HMG20B: variants seen among roughly 807,000 people sequenced by gnomAD.
The protein encoded by HMG20B is high mobility group 20B.
HMG20B carries 24 observed loss-of-function variants against 41.6 expected under a neutral mutation model. The ratio of observed to expected loss-of-function variants is 0.58; its 90% CI spans 0.42 to 0.81. The LOEUF (loss-of-function observed/expected upper bound fraction) is 0.81. HMG20B is among the 30% of genes least tolerant of loss of function. HMG20B has a pLI of 0.00. For synonymous variants in HMG20B, 251 were observed against 186.6 expected (o/e 1.34, Z -2.81); for missense variants, 461 against 444.0 (o/e 1.04, Z -0.34).
chr19:3,573,030 G>A (rs1424655772), intron 1 of HMG20B, 36 bp downstream of exon 1: 1 of 409,378 alleles, frequency 2.4e-6, no homozygotes, highest in African/African-American at 2.1e-5. Flanking sequence ...CCCTGAGAGG[G>A]GGCGGGGGTG....
rs868112051 is a variant in HMG20B at position 3,573,938 on chromosome 19, G to A, written c.147+138G>A. 1.8e-5 allele frequency: 15 copies of A among 828,522 alleles called. No individual in the cohort carries two copies. The African/African-American group carries it at 2.5e-4, about 14-fold the overall frequency. 51.3% of individuals were successfully genotyped at this position (828,522 alleles called of 1,614,324 possible). A position where few individuals can be genotyped will look rare whatever the true frequency, so the allele number is the denominator to read the frequency against. ...TCTGGAAGCTGAGACCCCGCCCCGTGCCAGCTGCCACGCCCCTGACAGGTC... is the reference window on the plus strand; with the variant it reads ...TCTGGAAGCTGAGACCCCGCCCCGTACCAGCTGCCACGCCCCTGACAGGTC... On this transcript the variant is annotated intron_variant, in intron 3 of 9. Transcript: ENST00000333651.
chr19:3,578,370 A>G lies in HMG20B; in HGVS notation c.942-139A>G, dbSNP rs1350836827. 1.1e-5 allele frequency: 14 copies of G among 1,280,466 alleles called. No homozygotes were observed. The East Asian group carries it at 3.6e-4, about 33-fold the overall frequency. The allele number at this position is 1,280,466 out of a possible 1,614,324, so 79.3% of individuals were successfully genotyped here. On this transcript the variant is annotated intron_variant, in intron 9 of 9. Transcript: ENST00000333651. ...CAGGGTGGATCCCAGCGCCCGGGTT[A>G]GATAGGTTCAACGCCTGTCCCCCAA...
At chr19:3,573,376 C>T (rs1193328334) in intron 2 of HMG20B, 29 bp downstream of exon 2, 3 of 1,511,766 alleles carry the variant, frequency 2.0e-6, no homozygotes, top group Non-Finnish European at 2.7e-6. Flanking sequence ...TCCCCACGCC[C>T]TCGCTACTTT....
At chr19:3,573,926 A>G (rs920731299) in intron 3 of HMG20B, 126 bp downstream of exon 3, 20 of 931,064 alleles carry the variant, frequency 2.1e-5, no homozygotes, top group Non-Finnish European at 3.0e-5. Context: ...GGAAGCTGAG[A>G]CCCCGCCCCG....
chr19:3,578,672 C>A lies in HMG20B; in HGVS notation c.*151C>A. On this transcript the variant is annotated 3_prime_UTR_variant, in exon 10 of 10. Transcript: ENST00000333651. ...CAGCCCCCCTAAAATTAAATTTCTG[C>A]AGCATCCCTTTAGCTTTCAATCTCC... The A allele has an allele frequency of 9.8e-7, 1 of 1,022,262 alleles. No homozygotes were observed. Among genetic ancestry groups the A allele is most frequent in the Non-Finnish European group, 1.5e-6 (1 of 668,138 alleles). The allele number at this position is 1,022,262 out of a possible 1,614,324, so 63.3% of individuals were successfully genotyped here.
intron 5 of HMG20B, 180 bp from the exon 6 acceptor site, chr19:3,576,081 G>C: frequency 1.6e-6 from 1 of 627,016 alleles, no homozygotes; most frequent in Non-Finnish European, 2.8e-6. Context: ...GGTTGGGCGG[G>C]GGAAAGATAC....
rs750465824 is a variant in HMG20B, at chr19:3,574,444, C to T, written c.209C>T (p.Pro70Leu). The T allele has an allele frequency of 1.9e-6, 3 of 1,609,122 alleles. No individual in the cohort carries two copies. The South Asian group carries it at 3.3e-5, about 18-fold the overall frequency. Reference sequence around the variant, plus strand: ...CGGAAGAAGATTCTGCCGAATGGGCCCAAGGCACCGGTCACGGGCTACGTG... The same window carrying T: ...CGGAAGAAGATTCTGCCGAATGGGCTCAAGGCACCGGTCACGGGCTACGTG... Reference protein sequence around the residue: ...KKRKKILPNGPKAPVTGYVRF... With the variant: ...KKRKKILPNGLKAPVTGYVRF... The change falls in exon 4 of 10, where the codon CCC (proline) becomes CTC (leucine). Residue 70 changes from proline to leucine, a missense_variant. By Grantham distance (98) the Pro-to-Leu change is moderately conservative (BLOSUM62 -3). This residue lies in a region of HMG20B where 49 missense variants were observed against 84.1 expected (regional missense o/e 0.58). Transcript: ENST00000333651.
intron 8 of HMG20B, 58 bp downstream of exon 8, chr19:3,577,165 C>G: frequency 8.4e-7 from 1 of 1,193,210 alleles, no homozygotes; most frequent in South Asian, 1.6e-5. Context: ...GCCCGCCTCC[C>G]CCCCCCTCCT....
chr19:3,575,446 G>T, intron 4 of HMG20B, 94 bp from the exon 5 acceptor site: 1 of 1,529,510 alleles, frequency 6.5e-7, no homozygotes, highest in African/African-American at 1.4e-5. Flanking sequence ...GAAGGTTCAG[G>T]AGAGGGGAGG....
intron 9 of HMG20B, 183 bp from the exon 10 acceptor site, chr19:3,578,326 G>A (rs578254115): frequency 1.7e-6 from 2 of 1,149,934 alleles, no homozygotes; most frequent in Non-Finnish European, 2.4e-6. Context: ...GGGGGCACCA[G>A]AACTTCCCTA....
chr19:3,574,715 C>CAT, intron 4 of HMG20B, 129 bp downstream of exon 4: 2 of 585,494 alleles, frequency 3.4e-6, no homozygotes, highest in East Asian at 3.1e-5. Flanking sequence ...CCATAACCAA[C>CAT]TTTTTTTTTT....
chr19:3,574,634 C>A (rs768576750), intron 4 of HMG20B, 48 bp downstream of exon 4: 2 of 1,484,020 alleles, frequency 1.3e-6, no homozygotes, highest in East Asian at 4.9e-5. Context: ...CCACGGACTA[C>A]CCCCCAGTAG....
rs1357472925 is a variant in HMG20B, at chr19:3,578,669, C to T, written c.*148C>T. ...CTCCAGCCCCCCTAAAATTAAATTT[C>T]TGCAGCATCCCTTTAGCTTTCAATC... On this transcript the variant is annotated 3_prime_UTR_variant, in exon 10 of 10. Coordinates refer to ENST00000333651, the MANE Select transcript of HMG20B (RefSeq NM_006339.3). 3 of 1,030,722 alleles carry T rather than the reference C, an allele frequency of 2.9e-6. No homozygotes were observed. Among genetic ancestry groups the T allele is most frequent in the Non-Finnish European group, 4.4e-6 (3 of 675,568 alleles). The allele number at this position is 1,030,722 out of a possible 1,614,324, so 63.8% of individuals were successfully genotyped here.
chr19:3,578,171 TG>T, intron 9 of HMG20B, 58 bp downstream of exon 9: 1 of 1,584,024 alleles, frequency 6.3e-7, no homozygotes. Flanking sequence ...GTGCCCGCCC[TG>T]GGGTTCCCCA....
At chr19:3,576,380 C>G in intron 6 of HMG20B, 73 bp downstream of exon 6, 1 of 1,498,352 alleles carries the variant, frequency 6.7e-7, no homozygotes, top group Non-Finnish European at 9.3e-7. Context: ...TGAGTCAGAG[C>G]CAGTGCTCGC....
rs1331451230 is a variant in HMG20B, at chr19:3,576,884, C to G, written c.593-8C>G. On this transcript the variant is annotated splice_region_variant and splice_polypyrimidine_tract_variant and intron_variant, in intron 7 of 9. Transcript: ENST00000333651. ...GCGCAGGCTTTGACCCCGCTCCCCC[C>G]GGCGCAGCGCGTGAGGCGGAGCTTC... 1.3e-6 allele frequency: 2 copies of G among 1,562,652 alleles called. No individual in the cohort carries two copies. The highest frequency in any genetic ancestry group is 3.8e-5 in the Admixed American group (2 of 52,418).
intron 3 of HMG20B, 171 bp downstream of exon 3, chr19:3,573,971 A>T: frequency 2.8e-6 from 2 of 721,184 alleles, no homozygotes; most frequent in South Asian, 3.0e-5. Context: ...GTCCTCTGCC[A>T]CTCTAAGTCC....
At chr19:3,578,271 G>C in intron 9 of HMG20B, 158 bp downstream of exon 9, 5 of 1,181,622 alleles carry the variant, frequency 4.2e-6, no homozygotes, top group Non-Finnish European at 5.9e-6. Context: ...TGATGCACCA[G>C]TGCTAGGATG....
At chr19:3,574,650 A>C (rs2145254363) in intron 4 of HMG20B, 64 bp downstream of exon 4, 2 of 1,410,424 alleles carry the variant, frequency 1.4e-6, no homozygotes, top group East Asian at 2.5e-5. Context: ...AGTAGCCCCG[A>C]CCCCCAAAGG....
Sources: allele counts gnomAD v4.1 joint callset, GRCh38; gene constraint gnomAD v4.1.1; regional missense constraint gnomAD v4.1.1; transcripts MANE v1.5; gene names NCBI Gene and HGNC (gene_info 2026-07-23, HGNC 2026-07-21).